SLC24A2: variants seen among roughly 807,000 people sequenced by gnomAD.
SLC24A2 encodes sodium/potassium/calcium exchanger 2.
Under a neutral mutation model 62.0 loss-of-function variants are expected in SLC24A2, and 36 were observed. The ratio of observed to expected loss-of-function variants is 0.58; its 90% CI spans 0.44 to 0.77. The LOEUF (loss-of-function observed/expected upper bound fraction) is 0.77, where lower values mean the gene tolerates loss of function less well. Among genes scored for constraint, SLC24A2 ranks in the 30% least tolerant of loss-of-function variants. SLC24A2 has a pLI of 0.00. For synonymous variants in SLC24A2, 358 were observed against 294.0 expected, an observed-to-expected ratio of 1.22 and a Z score of -2.23; for missense variants, 846 against 817.9, an observed-to-expected ratio of 1.03 and a Z score of -0.42.
the SLC24A2 span, among the ~76,000 whole-genome samples, chr9:20,291,965 T>C: frequency 6.6e-6 from 1 of 152,086 alleles, no homozygotes; most frequent in African/African-American, 2.4e-5. Context: ...AGCAGGGCCA[T>C]TTCAAAAGCC....
chr9:19,966,506 G>A, the SLC24A2 span, among the ~76,000 whole-genome samples: 3 of 152,130 alleles, frequency 2.0e-5, no homozygotes, highest in Admixed American at 1.3e-4. Flanking sequence ...TATCATTAAG[G>A]AGAAATTCAA....
chr9:19,650,153 A>C (rs539691963), intron 2 of SLC24A2, among the ~76,000 whole-genome samples: 2 of 152,228 alleles, frequency 1.3e-5, no homozygotes, highest in Non-Finnish European at 2.9e-5. Context: ...CACCTGGTAA[A>C]TGCTCAACAA....
chr9:19,518,807 CACTT>C (rs1203640576), intron 10 of SLC24A2, among the ~76,000 whole-genome samples: 1 of 152,166 alleles, frequency 6.6e-6, no homozygotes, highest in African/African-American at 2.4e-5. Context: ...GAAAGTTTCA[CACTT>C]AATATATTGC....
chr9:19,528,815 G>T (rs1833552970), intron 8 of SLC24A2, among the ~76,000 whole-genome samples: 1 of 152,162 alleles, frequency 6.6e-6, no homozygotes, highest in Non-Finnish European at 1.5e-5. Context: ...TGAGATGGCA[G>T]ATCAGACATT....
the SLC24A2 span, among the ~76,000 whole-genome samples, chr9:20,223,984 TGA>T: frequency 6.6e-6 from 1 of 151,878 alleles, no homozygotes; most frequent in Non-Finnish European, 1.5e-5. Context: ...AGAGAAAAAG[TGA>T]GAGAGTGAGG....
the SLC24A2 span, among the ~76,000 whole-genome samples, chr9:20,035,281 A>T: frequency 1.3e-5 from 2 of 151,996 alleles, no homozygotes; most frequent in African/African-American, 4.8e-5. Context: ...TAAATAAGAC[A>T]ATACTTGTAA....
At chr9:20,283,046 A>G in the SLC24A2 span, among the ~76,000 whole-genome samples, 1 of 152,224 alleles carries the variant, frequency 6.6e-6, no homozygotes, top group African/African-American at 2.4e-5. Context: ...CCCATCTCCC[A>G]GATAAGTCAC....
the SLC24A2 span, among the ~76,000 whole-genome samples, chr9:20,287,371 C>A: frequency 6.6e-6 from 1 of 152,086 alleles, no homozygotes; most frequent in East Asian, 1.9e-4. Context: ...TCATAGCAGC[C>A]CAATGGCCAG....
intron 2 of SLC24A2, among the ~76,000 whole-genome samples, chr9:19,657,427 G>A (rs979660349): frequency 4.3e-4 from 66 of 151,828 alleles, no homozygotes; most frequent in Non-Finnish European, 8.8e-4. Context: ...TATGCAGAAC[G>A]TGCAGGTTTG....
chr9:19,976,713 A>T, the SLC24A2 span, among the ~76,000 whole-genome samples: 170 of 152,332 alleles, frequency 1.1e-3, 4 homozygotes, highest in East Asian at 0.031. Flanking sequence ...CATTTGGTAT[A>T]AGAAATTTGA....
At chr9:20,072,495 T>C in the SLC24A2 span, among the ~76,000 whole-genome samples, 1 of 152,180 alleles carries the variant, frequency 6.6e-6, no homozygotes, top group Non-Finnish European at 1.5e-5. Context: ...CAAAACCATA[T>C]ATATGTATAT....
At chr9:19,731,360 T>C (rs768955386) in intron 2 of SLC24A2, among the ~76,000 whole-genome samples, 1 of 152,214 alleles carries the variant, frequency 6.6e-6, no homozygotes, top group East Asian at 1.9e-4. Flanking sequence ...CACATTCAAA[T>C]GTTGAAGCTC....
the SLC24A2 span, among the ~76,000 whole-genome samples, chr9:20,206,221 T>C: frequency 6.6e-6 from 1 of 152,208 alleles, no homozygotes; most frequent in African/African-American, 2.4e-5. Flanking sequence ...ATCTGAAAAG[T>C]CTATATTAAA....
the SLC24A2 span, among the ~76,000 whole-genome samples, chr9:20,110,570 C>T: frequency 3.9e-5 from 6 of 151,914 alleles, no homozygotes; most frequent in African/African-American, 1.5e-4. Flanking sequence ...TTCTTGGTCT[C>T]CAAACTACAG....
intron 4 of SLC24A2, among the ~76,000 whole-genome samples, chr9:19,600,908 C>A (rs1836823587): frequency 6.6e-6 from 1 of 152,088 alleles, no homozygotes; most frequent in South Asian, 2.1e-4. Context: ...CAATAAGCAA[C>A]CTAGACAAGA....
the SLC24A2 span, among the ~76,000 whole-genome samples, chr9:20,100,147 G>A: frequency 6.6e-6 from 1 of 152,168 alleles, no homozygotes; most frequent in East Asian, 1.9e-4. Flanking sequence ...CCATAGCTGG[G>A]ATGGCAGGCG....
chr9:20,122,393 C>T, the SLC24A2 span, among the ~76,000 whole-genome samples: 1 of 152,274 alleles, frequency 6.6e-6, no homozygotes, highest in African/African-American at 2.4e-5. Context: ...TCATTTAAAA[C>T]ATTACTTTTT....
intron 2 of SLC24A2, among the ~76,000 whole-genome samples, chr9:19,708,882 C>T (rs1167495982): frequency 1.3e-5 from 2 of 152,096 alleles, no homozygotes; most frequent in South Asian, 2.1e-4. Context: ...AAAGCAATGG[C>T]AACAAAAGCC....
chr9:19,971,843 G>C, the SLC24A2 span, among the ~76,000 whole-genome samples: 1 of 152,120 alleles, frequency 6.6e-6, no homozygotes, highest in South Asian at 2.1e-4. Flanking sequence ...CTCAGCCCTT[G>C]ATGTATGTCA....
Sources: allele counts gnomAD v4.1 joint callset (sites outside exome capture counted in the v4.1 genomes callset), GRCh38; gene constraint gnomAD v4.1.1; transcripts MANE v1.5; gene names NCBI Gene and HGNC (gene_info 2026-07-23, HGNC 2026-07-21).